BFSP2: variants seen among roughly 807,000 people sequenced by gnomAD.
The protein encoded by BFSP2 is phakinin.
BFSP2 carries 38 observed loss-of-function variants against 44.9 expected under a neutral mutation model. The ratio of observed to expected loss-of-function variants is 0.85; its 90% CI spans 0.65 to 1.11. The LOEUF is 1.11. BFSP2 is among the 50% of genes least tolerant of loss of function. The pLI is 0.00. For missense variants in BFSP2, 525 were observed against 533.0 expected (o/e 0.99, Z 0.15); for synonymous variants, 197 against 209.9 (o/e 0.94, Z 0.53).
chr3:133,473,605 G>A (rs1374273612), intron 6 of BFSP2, among the ~76,000 whole-genome samples: 5 of 151,164 alleles, frequency 3.3e-5, no homozygotes, highest in African/African-American at 1.2e-4. Flanking sequence ...GGACCCTGCG[G>A]CCTTCCGCAG....
chr3:133,458,924 C>T (rs2074037414), intron 4 of BFSP2, among the ~76,000 whole-genome samples: 1 of 152,142 alleles, frequency 6.6e-6, no homozygotes, highest in Non-Finnish European at 1.5e-5. Context: ...AGGTGCAAGG[C>T]CCTGACTTGA....
chr3:133,455,874 G>A (rs2074008712), intron 4 of BFSP2: 1 of 152,594 alleles, frequency 6.6e-6, no homozygotes, highest in South Asian at 2.1e-4. Flanking sequence ...AGCCTGGTCT[G>A]AAGTCTGCCT....
intron 4 of BFSP2, among the ~76,000 whole-genome samples, chr3:133,451,587 G>GA (rs2073966484): frequency 6.6e-6 from 1 of 152,214 alleles, no homozygotes; most frequent in Non-Finnish European, 1.5e-5. Flanking sequence ...CCACTTCCTG[G>GA]TATATACAGT....
intron 4 of BFSP2, among the ~76,000 whole-genome samples, chr3:133,456,129 A>G (rs1030936253): frequency 6.6e-6 from 1 of 152,204 alleles, no homozygotes; most frequent in South Asian, 2.1e-4. Context: ...AGGGTCAGGA[A>G]CAAATGGATT....
Position 133,450,285 on chromosome 3 carries a change from G to A in BFSP2, c.730-18G>A. On this transcript the variant is annotated intron_variant, in intron 3 of 6. Coordinates refer to ENST00000302334, the MANE Select transcript of BFSP2 (RefSeq NM_003571.4). ...TTTCCCCCCGTAACTCATCTAAGATGTATATTGTTGTTTTCAGGATGTGAA... is the reference window on the plus strand; with the variant it reads ...TTTCCCCCCGTAACTCATCTAAGATATATATTGTTGTTTTCAGGATGTGAA... 4 of 1,613,992 alleles carry A rather than the reference G, an allele frequency of 2.5e-6. No individual in the cohort carries two copies. Among genetic ancestry groups the A allele is most frequent in the Non-Finnish European group, 2.5e-6 (3 of 1,179,874 alleles).
chr3:133,408,713 G>C (rs2073424322), intron 1 of BFSP2, among the ~76,000 whole-genome samples: 1 of 152,190 alleles, frequency 6.6e-6, no homozygotes, highest in Non-Finnish European at 1.5e-5. Flanking sequence ...TGATCTCCAG[G>C]ATATGTTATT....
chr3:133,457,279 G>A (rs958051145), intron 4 of BFSP2, among the ~76,000 whole-genome samples: 3 of 152,344 alleles, frequency 2.0e-5, no homozygotes, highest in Middle Eastern at 3.4e-3. Context: ...CGGGGATCCC[G>A]AAGCATCTTC....
intron 5 of BFSP2, among the ~76,000 whole-genome samples, chr3:133,468,269 G>T (rs889680344): frequency 5.9e-5 from 9 of 152,166 alleles, no homozygotes; most frequent in Admixed American, 2.0e-4. Flanking sequence ...GGAGTCAGGA[G>T]GTAGACTTCG....
At chr3:133,448,718 C>G in intron 3 of BFSP2, 73 bp downstream of exon 3, 1 of 1,557,518 alleles carries the variant, frequency 6.4e-7, no homozygotes, top group Non-Finnish European at 8.8e-7. Flanking sequence ...TGCTTCATAA[C>G]AAGGCCACAG....
At chr3:133,418,040 ATC>A (rs2073560302) in intron 1 of BFSP2, among the ~76,000 whole-genome samples, 7 of 94,594 alleles carry the variant, frequency 7.4e-5, no homozygotes, top group Middle Eastern at 6.5e-3. Context: ...CCCTCTACTC[ATC>A]CCTATCCTCT....
intron 1 of BFSP2, among the ~76,000 whole-genome samples, chr3:133,406,330 A>G (rs541601825): frequency 3.3e-5 from 5 of 152,306 alleles, no homozygotes; most frequent in African/African-American, 9.6e-5. Flanking sequence ...GAGAACTGCT[A>G]AAGAAAACAG....
At chr3:133,422,200 T>A (rs947867657) in intron 1 of BFSP2, among the ~76,000 whole-genome samples, 3 of 151,030 alleles carry the variant, frequency 2.0e-5, no homozygotes, top group Non-Finnish European at 4.4e-5. Flanking sequence ...TCCAAGAGAA[T>A]GCTGTTCATA....
chr3:133,412,612 C>G (rs2073466829), intron 1 of BFSP2: 1 of 152,266 alleles, frequency 6.6e-6, no homozygotes, highest in Non-Finnish European at 1.5e-5. Flanking sequence ...GGGAGCCGGG[C>G]ATGGCGTCCT....
chr3:133,438,824 G>A (rs1330347955), intron 1 of BFSP2, among the ~76,000 whole-genome samples: 1 of 152,172 alleles, frequency 6.6e-6, no homozygotes, highest in African/African-American at 2.4e-5. Flanking sequence ...GTAAAATTTA[G>A]CCATGATACT....
At chr3:133,455,165 A>G (rs1305848768) in intron 4 of BFSP2, among the ~76,000 whole-genome samples, 1 of 152,290 alleles carries the variant, frequency 6.6e-6, no homozygotes, top group Admixed American at 6.5e-5. Context: ...GATAAAAAGT[A>G]TAGATACAGT....
intron 1 of BFSP2, among the ~76,000 whole-genome samples, chr3:133,419,778 C>T (rs774887305): frequency 6.6e-6 from 1 of 152,226 alleles, no homozygotes; most frequent in African/African-American, 2.4e-5. Flanking sequence ...CAGCCCTCCT[C>T]GGGATTTCTC....
At position 133,448,512 on chromosome 3, in the gene BFSP2, G is replaced by A. The variant is rs189376399; in HGVS notation, c.596G>A (p.Arg199Gln). The A allele has an allele frequency of 5.9e-5, 95 of 1,613,978 alleles. No homozygotes were observed. Among genetic ancestry groups the A allele is most frequent in the Non-Finnish European group, 7.2e-5 (85 of 1,180,004 alleles). The change falls in exon 3 of 7, where the codon CGA (arginine) becomes CAA (glutamine). Residue 199 changes from arginine (R) to glutamine (Q), a missense_variant. Transcript: ENST00000302334. Reference sequence around the variant, plus strand: ...AGATATGAAAATGAGCAGCCATTTCGAAAGGCGGCAGAAGAGGAAATTAAC... The same window carrying A: ...AGATATGAAAATGAGCAGCCATTTCAAAAGGCGGCAGAAGAGGAAATTAAC... ...KERYENEQPF[R>Q]KAAEEEINSL...
chr3:133,414,189 C>T (rs570140571), intron 1 of BFSP2, among the ~76,000 whole-genome samples: 126 of 119,198 alleles, frequency 1.1e-3, no homozygotes, highest in African/African-American at 4.0e-3. Flanking sequence ...CTCTCCCCTA[C>T]TCATCCCTCT....
At chr3:133,418,402 T>C (rs915329198) in intron 1 of BFSP2, among the ~76,000 whole-genome samples, 1 of 152,144 alleles carries the variant, frequency 6.6e-6, no homozygotes, top group Non-Finnish European at 1.5e-5. Context: ...ACCATTGCTC[T>C]CACATGAGGA....
Sources: gnomAD v4.1 joint callset for allele counts (sites outside exome capture counted in the v4.1 genomes callset) on GRCh38, gnomAD v4.1.1 for gene constraint, MANE v1.5 for transcripts, NCBI Gene and HGNC (gene_info 2026-07-23, HGNC 2026-07-21) for gene names.